Variants in SLC30A7 observed in about 807,000 individuals in gnomAD.
The protein encoded by SLC30A7 is zinc transporter 7.
In SLC30A7, 35 loss-of-function variants were observed where a neutral mutation model predicts 46.0. The observed-to-expected ratio is 0.76, with a 90% CI of 0.58 to 1.01. The LOEUF is 1.01. SLC30A7 is among the 50% of genes least tolerant of loss of function. The pLI, the probability that SLC30A7 is intolerant of heterozygous loss-of-function variation, is 0.00. For synonymous variants in SLC30A7, 147 were observed against 157.8 expected (o/e 0.93, Z 0.51); for missense variants, 464 against 451.1 (o/e 1.03, Z -0.26).
chr1:100,913,539 C>A, intron 5 of SLC30A7, 124 bp from the exon 6 acceptor site: 1 of 704,580 alleles, frequency 1.4e-6, no homozygotes, highest in Non-Finnish European at 2.4e-6. Flanking sequence ...ACACTTTTTA[C>A]AAGTAAATGT....
chr1:100,971,476 C>T (rs1003043099), intron 10 of SLC30A7, among the ~76,000 whole-genome samples: 7 of 152,092 alleles, frequency 4.6e-5, no homozygotes, highest in Non-Finnish European at 1.0e-4. Context: ...AGAACAACCA[C>T]AGGTTGTGAG....
At position 100,896,568 on chromosome 1, in the gene SLC30A7, AG is replaced by A. The variant is rs1277429860; in HGVS notation, c.81del. ...GCTCTTTTCCACGTGTATCATTCCC[AG>A]GTCTATACTGTCCGACAAGACTTCC... is the stretch of plus-strand genomic sequence containing the variant. On this transcript the variant is annotated splice_acceptor_variant, in intron 1 of 10. Transcript: ENST00000357650. LOFTEE classifies it high-confidence loss of function. 1 of 1,613,388 alleles carries A rather than the reference AG, an allele frequency of 6.2e-7. No individual in the cohort carries two copies. Among genetic ancestry groups the A allele is most frequent in the Non-Finnish European group, 8.5e-7 (1 of 1,179,402 alleles).
At chr1:100,988,347 C>G in the SLC30A7 span, among the ~76,000 whole-genome samples, 1 of 152,088 alleles carries the variant, frequency 6.6e-6, no homozygotes, top group Non-Finnish European at 1.5e-5. Flanking sequence ...TCAGTGACTC[C>G]CTAGAGTTTT....
intron 2 of SLC30A7, among the ~76,000 whole-genome samples, chr1:100,906,053 A>G (rs891309242): frequency 6.6e-6 from 1 of 152,060 alleles, no homozygotes; most frequent in Admixed American, 6.6e-5. Flanking sequence ...TTTCGAAACT[A>G]TTTGCTCAGT....
intron 8 of SLC30A7, chr1:100,941,612 GTA>G (rs1654355210): frequency 1.7e-6 from 1 of 589,858 alleles, no homozygotes. Context: ...ATGTTCTTCA[GTA>G]TACTCTTTAA....
chr1:100,940,148 G>A (rs1259442323), intron 8 of SLC30A7, among the ~76,000 whole-genome samples: 1 of 152,084 alleles, frequency 6.6e-6, no homozygotes, highest in African/African-American at 2.4e-5. Context: ...GCTTACTAAT[G>A]ATAAAGACAG....
chr1:100,944,491 G>C (rs1654517817), intron 8 of SLC30A7, among the ~76,000 whole-genome samples: 1 of 151,860 alleles, frequency 6.6e-6, no homozygotes, highest in Non-Finnish European at 1.5e-5. Flanking sequence ...TGGTTCTTTA[G>C]TTTTTTTATT....
the SLC30A7 span, among the ~76,000 whole-genome samples, chr1:100,994,460 G>A: frequency 6.6e-6 from 1 of 151,744 alleles, no homozygotes; most frequent in African/African-American, 2.4e-5. Flanking sequence ...TTATACATCT[G>A]AAGAAAATAA....
At chr1:100,960,947 G>GTTTTT (rs11354218) in intron 8 of SLC30A7, among the ~76,000 whole-genome samples, 4 of 86,308 alleles carry the variant, frequency 4.6e-5, no homozygotes, top group Admixed American at 1.3e-4. Context: ...TGTTTTGTGT[G>GTTTTT]TTTTTTTTTT....
At chr1:100,939,986 A>G (rs538407058) in intron 8 of SLC30A7, among the ~76,000 whole-genome samples, 77 of 152,332 alleles carry the variant, frequency 5.1e-4, no homozygotes, top group Non-Finnish European at 1.0e-3. Context: ...TTTATAAGGA[A>G]AAAACAAACA....
intron 9 of SLC30A7, 64 bp from the exon 10 acceptor site, chr1:100,965,705 T>C: frequency 7.4e-7 from 1 of 1,355,012 alleles, no homozygotes; most frequent in Non-Finnish European, 1.1e-6. Flanking sequence ...TGTTGCATAA[T>C]AACTTAAGTA....
chr1:100,994,817 G>A, the SLC30A7 span, among the ~76,000 whole-genome samples: 1 of 152,058 alleles, frequency 6.6e-6, no homozygotes, highest in South Asian at 2.1e-4. Flanking sequence ...ATGAACAACC[G>A]CACCCGGCCT....
At chr1:100,942,487 A>T (rs1654405731) in intron 8 of SLC30A7, among the ~76,000 whole-genome samples, 1 of 152,224 alleles carries the variant, frequency 6.6e-6, no homozygotes, top group African/African-American at 2.4e-5. Flanking sequence ...CAATCAACAC[A>T]GTAGACTTCT....
downstream of SLC30A7, among the ~76,000 whole-genome samples, chr1:100,984,727 ATAT>A (rs1006649886): frequency 3.3e-5 from 5 of 152,338 alleles, no homozygotes; most frequent in African/African-American, 1.2e-4. Flanking sequence ...TCACAACATA[ATAT>A]TCAAAATGTC....
At chr1:100,913,895 A>G in intron 6 of SLC30A7, 89 bp downstream of exon 6, 1 of 1,518,928 alleles carries the variant, frequency 6.6e-7, no homozygotes, top group Non-Finnish European at 8.8e-7. Context: ...TTTATTAAAA[A>G]GATACCAAAT....
At chr1:100,972,747 C>A (rs977815782) in intron 10 of SLC30A7, 1 of 151,948 alleles carries the variant, frequency 6.6e-6, no homozygotes, top group Non-Finnish European at 1.5e-5. Flanking sequence ...AATGTCAGAT[C>A]ATATAATTGT....
intron 2 of SLC30A7, among the ~76,000 whole-genome samples, chr1:100,898,303 A>G (rs1308744998): frequency 1.3e-5 from 2 of 152,204 alleles, no homozygotes; most frequent in African/African-American, 2.4e-5. Flanking sequence ...AAAGTTAAGT[A>G]TATAGTAACT....
At chr1:100,923,494 T>C (rs537637079) in intron 8 of SLC30A7, among the ~76,000 whole-genome samples, 1 of 152,340 alleles carries the variant, frequency 6.6e-6, no homozygotes, top group African/African-American at 2.4e-5. Flanking sequence ...AAGTCTGTTA[T>C]AAGCTCAGCA....
At chr1:100,924,895 TC>T (rs1570538348) in intron 8 of SLC30A7, among the ~76,000 whole-genome samples, 1 of 152,154 alleles carries the variant, frequency 6.6e-6, no homozygotes, top group Non-Finnish European at 1.5e-5. Flanking sequence ...ACTGCACAAA[TC>T]ATCTTCACCA....
Sources: gnomAD v4.1 joint callset for allele counts (sites outside exome capture counted in the v4.1 genomes callset) on GRCh38, gnomAD v4.1.1 for gene constraint, MANE v1.5 for transcripts, NCBI Gene and HGNC (gene_info 2026-07-23, HGNC 2026-07-21) for gene names.